TMEM52B: variants seen among roughly 807,000 people sequenced by gnomAD.
TMEM52B encodes transmembrane protein 52B.
TMEM52B carries 11 observed loss-of-function variants against 16.1 expected under a neutral mutation model. The ratio of observed to expected loss-of-function variants is 0.68; its 90% CI spans 0.43 to 1.13. The LOEUF (loss-of-function observed/expected upper bound fraction) is 1.13, where lower values mean the gene tolerates loss of function less well. Ranked by LOEUF, TMEM52B falls within the 50% of genes most tolerant of loss-of-function variation. The probability of loss-of-function intolerance (pLI) is 0.00; values close to 1 mark genes in which losing one functional copy is unlikely to be tolerated. For synonymous variants in TMEM52B, 101 were observed against 93.8 expected (o/e 1.08, Z -0.45); for missense variants, 243 against 230.4 (o/e 1.05, Z -0.35).
At chr12:10,172,936 C>G (rs1480121104) in intron 1 of TMEM52B, among the ~76,000 whole-genome samples, 3 of 151,904 alleles carry the variant, frequency 2.0e-5, no homozygotes, top group Non-Finnish European at 4.4e-5. Context: ...CTTTTTTACA[C>G]TAGGTTTGTG....
At chr12:10,176,602 A>G (rs1565424938), upstream of TMEM52B, among the ~76,000 whole-genome samples, 2 of 152,218 alleles carry the variant, frequency 1.3e-5, no homozygotes, top group South Asian at 2.1e-4. Flanking sequence ...GTATAAAAAT[A>G]TACAAGAGAA....
At chr12:10,171,389 C>A (rs1037419664) in intron 1 of TMEM52B, among the ~76,000 whole-genome samples, 1 of 152,176 alleles carries the variant, frequency 6.6e-6, no homozygotes, top group Non-Finnish European at 1.5e-5. Flanking sequence ...AATTTAATTA[C>A]TGTATGGGTC....
chr12:10,188,470 GGAAA>G (rs1253604292), intron 4 of TMEM52B, among the ~76,000 whole-genome samples: 5 of 108,938 alleles, frequency 4.6e-5, no homozygotes, highest in African/African-American at 1.2e-4. Flanking sequence ...AAATAAAAAA[GGAAA>G]GAAAGAAAGA....
rs780313929 is a variant in TMEM52B, at chr12:10,179,665, T to TC, written c.54+41dup. The TC allele has an allele frequency of 7.3e-5, 118 of 1,612,698 alleles. No individual in the cohort carries two copies. In the Middle Eastern group the frequency reaches 1.8e-3, roughly 25 times the overall value. On this transcript the variant is annotated intron_variant, in intron 1 of 4. Transcript: ENST00000543484. ...GGTGAAAAGGCAGAAAGAGTATTTT[T>TC]CCCCAGATTAATCAACTCTCAGAAG...
At position 10,190,628 on chromosome 12, in the gene TMEM52B, C is replaced by A. The variant is rs1434323655; in HGVS notation, c.*488C>A. The A allele has an allele frequency of 5.7e-6, 1 of 176,518 alleles. No individual in the cohort carries two copies. Among genetic ancestry groups the A allele is most frequent in the African/African-American group, 2.4e-5 (1 of 42,376 alleles). The allele number at this position is 176,518 out of a possible 1,614,324, so 10.9% of individuals were successfully genotyped here. A position where few individuals can be genotyped will look rare whatever the true frequency, so the allele number is the denominator to read the frequency against. On this transcript the variant is annotated 3_prime_UTR_variant, in exon 5 of 5. Coordinates refer to ENST00000543484, the MANE Select transcript of TMEM52B (RefSeq NM_001384896.1). ...ACCGAATGACAATGATCATCTTAGA[C>A]AGCACAACATACCCACTCGGATATC... is the stretch of plus-strand genomic sequence containing the variant.
intron 1 of TMEM52B, chr12:10,171,916 C>T: frequency 2.0e-6 from 2 of 986,678 alleles, no homozygotes; most frequent in Non-Finnish European, 1.6e-6. Context: ...GGGTGTTTAG[C>T]TTTCTAATCC....
intron 4 of TMEM52B, among the ~76,000 whole-genome samples, chr12:10,189,450 C>G (rs1001729023): frequency 1.1e-4 from 16 of 150,718 alleles, no homozygotes; most frequent in Non-Finnish European, 1.8e-4. Context: ...ATAGTGAAAC[C>G]CTGTCTCTAC....
chr12:10,185,734 C>G (rs1948871769), intron 3 of TMEM52B, among the ~76,000 whole-genome samples: 1 of 151,698 alleles, frequency 6.6e-6, no homozygotes, highest in Admixed American at 6.6e-5. Context: ...ATAAAGAAAC[C>G]CCCATCTCTA....
chr12:10,188,832 C>T (rs1195119328), intron 4 of TMEM52B, among the ~76,000 whole-genome samples: 2 of 151,624 alleles, frequency 1.3e-5, no homozygotes, highest in Admixed American at 6.6e-5. Context: ...TCCTGGCTAA[C>T]GCAGTGAAAC....
Position 10,189,977 on chromosome 12 carries a change from C to T in TMEM52B, c.389C>T (p.Ser130Phe). The T allele has an allele frequency of 6.2e-7, 1 of 1,614,148 alleles. No homozygotes were observed. ...CACAGCTCCCTGGGCCAGCTGCCCTCCTCTTTGGACACCCTCCCAGGGTAT... is the reference window on the plus strand; with the variant it reads ...CACAGCTCCCTGGGCCAGCTGCCCTTCTCTTTGGACACCCTCCCAGGGTAT... ...HSHSSLGQLP[S>F]SLDTLPGYEE... Residue 130 changes from serine (S) to phenylalanine (F), a missense_variant, in exon 5 of 5, where the codon TCC becomes TTC. By Grantham distance (155) the Ser-to-Phe change is radical. Transcript: ENST00000543484.
At chr12:10,186,351 A>G in intron 3 of TMEM52B, 69 bp from the exon 4 acceptor site, 3 of 1,291,656 alleles carry the variant, frequency 2.3e-6, no homozygotes, top group South Asian at 2.0e-5. Flanking sequence ...GACATTAAAG[A>G]CTGGTTACAG....
At position 10,189,907 on chromosome 12, in the gene TMEM52B, G is replaced by T. The variant is rs769972724; in HGVS notation, c.319G>T (p.Val107Leu). 6.2e-6 allele frequency: 10 copies of T among 1,613,850 alleles called. No homozygotes were observed. The highest frequency in any genetic ancestry group is 8.5e-6 in the Non-Finnish European group (10 of 1,180,028). Residue 107 changes from valine (V) to leucine (L), a missense_variant, in exon 5 of 5, where the codon GTG (valine) becomes TTG (leucine). Physicochemically the swap from Val to Leu is conservative, Grantham distance 32 (BLOSUM62 1). Coordinates refer to ENST00000543484, the MANE Select transcript of TMEM52B (RefSeq NM_001384896.1). ...LQSTITSLQSVFGPAARRILA... is the reference protein window; with the variant it reads ...LQSTITSLQSLFGPAARRILA... Reference sequence around the variant, plus strand: ...TTCTTTCTTCACAGCTCTGCAGTCGGTGTTTGGCCCTGCAGCTCGGAGGAT... The same window carrying T: ...TTCTTTCTTCACAGCTCTGCAGTCGTTGTTTGGCCCTGCAGCTCGGAGGAT...
upstream of TMEM52B, among the ~76,000 whole-genome samples, chr12:10,176,051 T>G (rs1948763364): frequency 6.6e-6 from 1 of 152,244 alleles, no homozygotes; most frequent in South Asian, 2.1e-4. Context: ...AGCTAATGAT[T>G]CACAAGCTTA....
At chr12:10,182,074 C>T (rs1017367181) in intron 1 of TMEM52B, 1 of 972,784 alleles carries the variant, frequency 1.0e-6, no homozygotes, top group Admixed American at 6.3e-5. Flanking sequence ...GTCTGAGTGG[C>T]ATCTAGTAGC....
At chr12:10,183,471 A>C (rs549958397) in intron 2 of TMEM52B, among the ~76,000 whole-genome samples, 6 of 152,290 alleles carry the variant, frequency 3.9e-5, no homozygotes, top group South Asian at 4.1e-4. Flanking sequence ...GAAAAACAAA[A>C]CAAAACTATA....
At chr12:10,182,671 T>C in intron 2 of TMEM52B, 78 bp downstream of exon 2, 1 of 1,366,524 alleles carries the variant, frequency 7.3e-7, no homozygotes, top group Non-Finnish European at 9.7e-7. Context: ...CAAGATGTCA[T>C]TAGACATCTA....
At position 10,180,276 on chromosome 12, in the gene TMEM52B, T is replaced by TTTG. The variant is rs386375589; in HGVS notation, c.54+650_54+651insGTT. On this transcript the variant is annotated intron_variant, in intron 1 of 4. Transcript: ENST00000543484. ...CGTACAGAGTGGGCTGTATGGTTTG[T>TTTG]TTTTTTTTTTTTTTTGCTAATAGAA... Among the ~76,000 whole-genome samples the TTTG allele has an allele frequency of 1.4e-3, 79 of 57,942 alleles. No homozygotes were observed. The East Asian group carries it at 0.014, about 10-fold the overall frequency. The allele number at this position is 57,942 out of a possible 152,430, so 38.0% of individuals were successfully genotyped here. A position where few individuals can be genotyped will look rare whatever the true frequency, so the allele number is the denominator to read the frequency against.
intron 1 of TMEM52B, chr12:10,172,450 G>C (rs539734886): frequency 6.1e-6 from 1 of 164,222 alleles, no homozygotes; most frequent in African/African-American, 2.4e-5. Flanking sequence ...AAATGTGCCA[G>C]AATTATGGGC....
At chr12:10,188,493 G>GAAGGAAGGAAGA (rs1406928021) in intron 4 of TMEM52B, among the ~76,000 whole-genome samples, 6 of 31,576 alleles carry the variant, frequency 1.9e-4, no homozygotes, top group African/African-American at 4.9e-4. Flanking sequence ...GAGAGAGAGG[G>GAAGGAAGGAAGA]AAGGAAGGAA....
Sources: gnomAD v4.1 joint callset for allele counts (sites outside exome capture counted in the v4.1 genomes callset) on GRCh38, gnomAD v4.1.1 for gene constraint, MANE v1.5 for transcripts, NCBI Gene and HGNC (gene_info 2026-07-23, HGNC 2026-07-21) for gene names.